The following ELOA2 variants were observed in gnomAD, a reference collection of about 807,000 sequenced individuals.
ELOA2 encodes the protein elongin A2, also known as elongin-A2.
For synonymous variants in ELOA2, 497 were observed against 398.8 expected (o/e 1.25, Z -2.94); for missense variants, 1,271 against 979.7 (o/e 1.30, Z -3.97).
At chr18:47,034,562 GTT>G in the ELOA2 span, 1 of 1,614,178 alleles carries the variant, frequency 6.2e-7, no homozygotes. Flanking sequence ...CACAAGGGGC[GTT>G]TTTCCTGGCG....
Position 47,032,814 on chromosome 18 carries a change from TG to T in ELOA2, c.*188del. 2.0e-6 allele frequency: 2 copies of T among 1,019,170 alleles called. No individual in the cohort carries two copies. Among genetic ancestry groups the T allele is most frequent in the Non-Finnish European group, 1.4e-6 (1 of 702,010 alleles). 63.1% of individuals were successfully genotyped at this position (1,019,170 alleles called of 1,614,324 possible). A position where few individuals can be genotyped will look rare whatever the true frequency, so the allele number is the denominator to read the frequency against. The stretch of plus-strand genomic sequence containing the variant: ...CTGAATTCTGAGGTGTTCTCCAAGC[TG>T]GGAGGTAGTGGCTGGGTGTGGGAGG... On this transcript the variant is annotated 3_prime_UTR_variant, in exon 1 of 1. Transcript: ENST00000332567.
At position 47,035,575 on chromosome 18, in the gene ELOA2, G is replaced by C. The variant is rs1423255897; in HGVS notation, c.-311C>G. On this transcript the variant is annotated 5_prime_UTR_variant, in exon 1 of 1. It introduces an in-frame stop codon into an upstream open reading frame of the 5' UTR. Coordinates refer to ENST00000332567, the MANE Select transcript of ELOA2 (RefSeq NM_016427.3). ...CTCTGGTGCCAGAGCTGGGCCTTAT[G>C]TAGCCCATCCCAGGCTGACACTCAC... 1 of 573,434 alleles carries C rather than the reference G, an allele frequency of 1.7e-6. No individual in the cohort carries two copies. 35.5% of individuals were successfully genotyped at this position (573,434 alleles called of 1,614,324 possible). A position where few individuals can be genotyped will look rare whatever the true frequency, so the allele number is the denominator to read the frequency against.
rs1480913404 is a variant in ELOA2 at position 47,034,032 on chromosome 18, T to C, written c.1233A>G (p.Gln411=). ...TGCCCTTGGATTCGTTTGCTTTCCT[T>C]TGTTTATCTCCAAGTGCAGTGGTGG... The part of the protein sequence containing the change: ...KSATTALGDK[Q]RKANESKGTR... The change falls in exon 1 of 1, where the codon CAA becomes CAG. Residue 411 remains glutamine (Q), a synonymous_variant. Transcript: ENST00000332567. 3 of 1,614,180 alleles carry C rather than the reference T, an allele frequency of 1.9e-6. No homozygotes were observed. Among genetic ancestry groups the C allele is most frequent in the African/African-American group, 1.3e-5 (1 of 75,048 alleles).
chr18:47,032,838 A>G lies in ELOA2; in HGVS notation c.*165T>C. The G allele has an allele frequency of 7.3e-7, 1 of 1,371,034 alleles. No homozygotes were observed. The highest frequency in any genetic ancestry group is 2.3e-5 in the Admixed American group (1 of 44,398). 84.9% of individuals were successfully genotyped at this position (1,371,034 alleles called of 1,614,324 possible). On this transcript the variant is annotated 3_prime_UTR_variant, in exon 1 of 1. Coordinates refer to ENST00000332567, the MANE Select transcript of ELOA2 (RefSeq NM_016427.3). ...CTGGGAGGTAGTGGCTGGGTGTGGG[A>G]GGCAAAATCACAGGGCCAGCACATG... is the stretch of plus-strand genomic sequence containing the variant.
At position 47,033,539 on chromosome 18, in the gene ELOA2, C is replaced by T. The variant is rs2060593636; in HGVS notation, c.1726G>A (p.Ala576Thr). Residue 576 changes from alanine to threonine, a missense_variant, in exon 1 of 1, where the codon GCA (alanine) becomes ACA (threonine). By Grantham distance (58) the Ala-to-Thr change is moderately conservative (BLOSUM62 0). Transcript: ENST00000332567. ...AATTCGTCTGTCTCTCTAACGAGTG[C>T]GTGATTGTCTTTCTTTCTGCGATAC... Reference protein sequence around the residue: ...QLYRRKKDNHALVRETDELRR... With the variant: ...QLYRRKKDNHTLVRETDELRR... 6.2e-7 allele frequency: 1 copy of T among 1,614,118 alleles called. No individual in the cohort carries two copies. The highest frequency in any genetic ancestry group is 8.5e-7 in the Non-Finnish European group (1 of 1,180,040).
In ELOA2 at chr18:47,034,566, T is replaced by A. The variant is rs1279141563; in HGVS notation, c.699A>T (p.Glu233Asp). 6.2e-7 allele frequency: 1 copy of A among 1,614,098 alleles called. No individual in the cohort carries two copies. The change falls in exon 1 of 1, where the codon GAA (glutamate) becomes GAT (aspartate). Residue 233 changes from glutamate (E) to aspartate (D), a missense_variant. Glu to Asp is a conservative substitution (Grantham distance 45, BLOSUM62 2). Coordinates refer to ENST00000332567, the MANE Select transcript of ELOA2 (RefSeq NM_016427.3). ...CTCCCTGGGCACACAAGGGGCGTTT[T>A]TCCTGGCGAGACGATTTGTGCCCCT... ...HSKGHKSSRQ[E>D]KRPLCAQGDW... is the part of the protein sequence containing the mutation.
Position 47,035,017 on chromosome 18 carries a change from G to A in ELOA2, c.248C>T (p.Thr83Ile). ...WKKLVLVDRN[T>I]RPGPQDPEES... ...CTCAGGGTCCTGTGGGCCAGGCCGG[G>A]TGTTTCGGTCCACGAGCACCAGCTT... Residue 83 changes from threonine to isoleucine, a missense_variant, in exon 1 of 1, where the codon ACC (threonine) becomes ATC (isoleucine). Physicochemically the swap from Thr to Ile is moderately conservative, Grantham distance 89. Transcript: ENST00000332567. 1 of 1,611,610 alleles carries A rather than the reference G, an allele frequency of 6.2e-7. No homozygotes were observed.
At position 47,035,493 on chromosome 18, in the gene ELOA2, A is replaced by G; in HGVS notation, c.-229T>C. The G allele has an allele frequency of 1.1e-6, 1 of 878,704 alleles. No homozygotes were observed. Among genetic ancestry groups the G allele is most frequent in the Non-Finnish European group, 1.7e-6 (1 of 578,150 alleles). 54.4% of individuals were successfully genotyped at this position (878,704 alleles called of 1,614,324 possible). On this transcript the variant is annotated 5_prime_UTR_variant, in exon 1 of 1. Coordinates refer to ENST00000332567, the MANE Select transcript of ELOA2 (RefSeq NM_016427.3). ...AGCAGGCCCGCTTTTGTTCCTCGGG[A>G]TGTGGAGCCACAGCCTGGAGTGACC...
In ELOA2 at chr18:47,033,988, G is replaced by C. The variant is rs779458997; in HGVS notation, c.1277C>G (p.Ser426Trp). The change falls in exon 1 of 1, where the codon TCG (serine) becomes TGG (tryptophan). Residue 426 changes from serine to tryptophan, a missense_variant. Transcript: ENST00000332567. Reference protein sequence around the residue: ...ESKGTRESWDSAKKLPPVQES... With the variant: ...ESKGTRESWDWAKKLPPVQES... The stretch of plus-strand genomic sequence containing the variant: ...CTGGACAGGAGGCAATTTCTTAGCC[G>C]AATCCCAGGACTCACGAGTGCCCTT... 10 of 1,613,566 alleles carry C rather than the reference G, an allele frequency of 6.2e-6. No individual in the cohort carries two copies. Among genetic ancestry groups the C allele is most frequent in the Non-Finnish European group, 8.5e-6 (10 of 1,180,040 alleles).
At position 47,035,046 on chromosome 18, in the gene ELOA2, C is replaced by G; in HGVS notation, c.219G>C (p.Trp73Cys). 6.2e-7 allele frequency: 1 copy of G among 1,611,858 alleles called. No individual in the cohort carries two copies. The highest frequency in any genetic ancestry group is 1.7e-5 in the Admixed American group (1 of 60,008). The change falls in exon 1 of 1, where the codon TGG becomes TGC. Residue 73 changes from tryptophan (W) to cysteine (C), a missense_variant. Transcript: ENST00000332567. ...TTCGGTCCACGAGCACCAGCTTCTT[C>G]CACCGGGCCGCTAAGTCTCTGGCAA... The part of the protein sequence containing the change: ...GDFARDLAAR[W>C]KKLVLVDRNT...
chr18:47,033,610 T>C lies in ELOA2; in HGVS notation c.1655A>G (p.Tyr552Cys), dbSNP rs2060599548. 1 of 1,614,150 alleles carries C rather than the reference T, an allele frequency of 6.2e-7. No homozygotes were observed. Among genetic ancestry groups the C allele is most frequent in the Non-Finnish European group, 8.5e-7 (1 of 1,180,022 alleles). Residue 552 changes from tyrosine (Y) to cysteine (C), a missense_variant, in exon 1 of 1, where the codon TAC (tyrosine) becomes TGC (cysteine). By Grantham distance (194) the Tyr-to-Cys change is radical (BLOSUM62 -2). Transcript: ENST00000332567. ...TTCCAGAACAGGTTCAAGAACCCAG[T>C]AGGGGACCTCTCCCACGTCGCTGAG... ...DALSDVGEVP[Y>C]WVLEPVLEGW... is the part of the protein sequence containing the mutation.
In ELOA2 at chr18:47,032,991, C is replaced by T; in HGVS notation, c.*12G>A. 1 of 1,614,032 alleles carries T rather than the reference C, an allele frequency of 6.2e-7. No individual in the cohort carries two copies. On this transcript the variant is annotated 3_prime_UTR_variant, in exon 1 of 1. Coordinates refer to ENST00000332567, the MANE Select transcript of ELOA2 (RefSeq NM_016427.3). ...ATCCCCCCAGATTTTATCTGCAAGG[C>T]AAGTCCTGAGTTTATCGTCGGGAGA...
Position 47,033,831 on chromosome 18 carries a change from C to G in ELOA2, c.1434G>C (p.Ser478=), listed in dbSNP as rs149165530. 5 of 1,613,962 alleles carry G rather than the reference C, an allele frequency of 3.1e-6. No individual in the cohort carries two copies. The African/African-American group carries it at 5.3e-5, about 17-fold the overall frequency. The part of the protein sequence containing the change: ...AWMQANYDPL[S]DSDSMTSQAK... ...CCTGGGAGGTCATGGAGTCAGAATC[C>G]GAAAGCGGATCGTAGTTGGCCTGCA... Residue 478 remains serine, a synonymous_variant, in exon 1 of 1, where the codon TCG becomes TCC. Coordinates refer to ENST00000332567, the MANE Select transcript of ELOA2 (RefSeq NM_016427.3).
At position 47,033,703 on chromosome 18, in the gene ELOA2, G is replaced by A. The variant is rs375978951; in HGVS notation, c.1562C>T (p.Ala521Val). 5 of 1,614,172 alleles carry A rather than the reference G, an allele frequency of 3.1e-6. No homozygotes were observed. The highest frequency in any genetic ancestry group is 4.2e-6 in the Non-Finnish European group (5 of 1,180,034). Residue 521 changes from alanine to valine, a missense_variant, in exon 1 of 1, where the codon GCC becomes GTC. Physicochemically the swap from Ala to Val is moderately conservative, Grantham distance 64. Transcript: ENST00000332567. ...CAGCGTCGGCACCTGGAGCTGGCAG[G>A]CAGGCCTGGAGCCCGAGTACACCGG... ...KMPVYSGSRP[A>V]CQLQVPTLRQ...
Position 47,033,421 on chromosome 18 carries a change from G to C in ELOA2, c.1844C>G (p.Pro615Arg). ...TGTCATTACTCTCAGCCGCTGCTCT[G>C]GGGCGTCCGGAAGCCGCAGGTACTG... ...REQYLRLPDA[P>R]EQRLRVMTTN... Residue 615 changes from proline (P) to arginine (R), a missense_variant, in exon 1 of 1, where the codon CCA (proline) becomes CGA (arginine). By Grantham distance (103) the Pro-to-Arg change is moderately radical. Coordinates refer to ENST00000332567, the MANE Select transcript of ELOA2 (RefSeq NM_016427.3). 6.2e-7 allele frequency: 1 copy of C among 1,613,522 alleles called. No homozygotes were observed. The highest frequency in any genetic ancestry group is 8.5e-7 in the Non-Finnish European group (1 of 1,180,036).
Position 47,034,417 on chromosome 18 carries a change from T to C in ELOA2, c.848A>G (p.Lys283Arg), listed in dbSNP as rs754988549. 29 of 1,613,966 alleles carry C rather than the reference T, an allele frequency of 1.8e-5. No individual in the cohort carries two copies. The African/African-American group carries it at 3.6e-4, about 20-fold the overall frequency. ...GCCGCTGCCAGCTTGCCCCCCTTCC[T>C]TGTCTGTCTTGAAGTCCGAAGGCTG... ...DRQPSDFKTD[K>R]EGGQAGSGQR... The change falls in exon 1 of 1, where the codon AAG becomes AGG. Residue 283 changes from lysine to arginine, a missense_variant. Coordinates refer to ENST00000332567, the MANE Select transcript of ELOA2 (RefSeq NM_016427.3).
chr18:47,033,325 A>G lies in ELOA2; in HGVS notation c.1940T>C (p.Val647Ala). Residue 647 changes from valine (V) to alanine (A), a missense_variant, in exon 1 of 1, where the codon GTG (valine) becomes GCG (alanine). Coordinates refer to ENST00000332567, the MANE Select transcript of ELOA2 (RefSeq NM_016427.3). ...REAKMICFKS[V>A]AKTPYDTSRR... ...TGAAGTATCATAAGGCGTCTTGGCCACAGATTTGAAACAGATCATCTTTGC... is the reference window on the plus strand; with the variant it reads ...TGAAGTATCATAAGGCGTCTTGGCCGCAGATTTGAAACAGATCATCTTTGC... 6.2e-7 allele frequency: 1 copy of G among 1,613,796 alleles called. No individual in the cohort carries two copies. Among genetic ancestry groups the G allele is most frequent in the East Asian group, 2.2e-5 (1 of 44,876 alleles).
Position 47,034,888 on chromosome 18 carries a change from G to C in ELOA2, c.377C>G (p.Pro126Arg). Residue 126 changes from proline (P) to arginine (R), a missense_variant, in exon 1 of 1, where the codon CCT becomes CGT. Physicochemically the swap from Pro to Arg is moderately radical, Grantham distance 103 (BLOSUM62 -2). Transcript: ENST00000332567. Reference sequence around the variant, plus strand: ...TCTGCGTGCTGTCCGTCTGTGCTCAGGGCTGTGAGATGGGCTCCTGGGGGC... The same window carrying C: ...TCTGCGTGCTGTCCGTCTGTGCTCACGGCTGTGAGATGGGCTCCTGGGGGC... ...ATAPRSPSHS[P>R]EHRRTARRTP... 6.2e-7 allele frequency: 1 copy of C among 1,612,108 alleles called. No individual in the cohort carries two copies. The highest frequency in any genetic ancestry group is 8.5e-7 in the Non-Finnish European group (1 of 1,179,942).
chr18:47,034,366 G>T lies in ELOA2; in HGVS notation c.899C>A (p.Ala300Asp), dbSNP rs761049083. 13 of 1,613,894 alleles carry T rather than the reference G, an allele frequency of 8.1e-6. No individual in the cohort carries two copies. The highest frequency in any genetic ancestry group is 1.3e-5 in the African/African-American group (1 of 74,946). ...AGGCCTCTTCTGGTGACTGTCTGGAGCCTCCTCCAAGGCAGGGACACGCTG... is the reference window on the plus strand; with the variant it reads ...AGGCCTCTTCTGGTGACTGTCTGGATCCTCCTCCAAGGCAGGGACACGCTG... Reference protein sequence around the residue: ...SGQRVPALEEAPDSHQKRPQH... With the variant: ...SGQRVPALEEDPDSHQKRPQH... Residue 300 changes from alanine to aspartate, a missense_variant, in exon 1 of 1, where the codon GCT becomes GAT. Transcript: ENST00000332567.
Sources: gnomAD v4.1 joint callset for allele counts on GRCh38, gnomAD v4.1.1 for gene constraint, MANE v1.5 for transcripts, NCBI Gene and HGNC (gene_info 2026-07-23, HGNC 2026-07-21) for gene names.